Variants in UTP20 observed in about 807,000 individuals in gnomAD.
UTP20 encodes small subunit processome component 20 homolog.
A neutral mutation model predicts 329.5 loss-of-function variants in UTP20; 164 were observed. That is an observed-to-expected ratio of 0.50 (90% CI 0.44 to 0.57). The LOEUF is 0.57. Ranked by LOEUF, UTP20 falls within the 20% of genes least tolerant of loss-of-function variation. The pLI is 0.00. For missense variants in UTP20, 3,055 were observed against 3,284.2 expected (o/e 0.93, Z 1.71); for synonymous variants, 1,151 against 1,159.3 (o/e 0.99, Z 0.14).
At chr12:101,296,845 A>G (rs1428608858) in intron 12 of UTP20, among the ~76,000 whole-genome samples, 1 of 152,258 alleles carries the variant, frequency 6.6e-6, no homozygotes, top group East Asian at 1.9e-4. Flanking sequence ...TTCATTCAAA[A>G]TGACACATTG....
At chr12:101,320,615 G>T (rs551921643) in intron 23 of UTP20, among the ~76,000 whole-genome samples, 1 of 152,146 alleles carries the variant, frequency 6.6e-6, no homozygotes, top group Admixed American at 6.5e-5. Flanking sequence ...AGACCCCAGG[G>T]TATGACTGTG....
chr12:101,338,384 T>G (rs113352166), intron 30 of UTP20, 107 bp downstream of exon 30: 2 of 1,113,958 alleles, frequency 1.8e-6, no homozygotes, highest in African/African-American at 1.6e-5. Flanking sequence ...GAGCATATGC[T>G]CAGAAGTTTC....
intron 15 of UTP20, among the ~76,000 whole-genome samples, chr12:101,304,852 T>C (rs1223349649): frequency 1.3e-5 from 2 of 152,142 alleles, no homozygotes; most frequent in African/African-American, 2.4e-5. Flanking sequence ...CCGTATGAGC[T>C]AACTCCTGGC....
intron 51 of UTP20, among the ~76,000 whole-genome samples, chr12:101,372,506 T>C (rs1385603626): frequency 1.3e-5 from 2 of 152,246 alleles, no homozygotes; most frequent in Non-Finnish European, 2.9e-5. Context: ...TATCACTGTG[T>C]TGTTATTCTT....
chr12:101,329,190 A>G lies in UTP20; in HGVS notation c.3209-51A>G, dbSNP rs377199253. 4.1e-6 allele frequency: 6 copies of G among 1,469,970 alleles called. No individual in the cohort carries two copies. The African/African-American group carries it at 8.4e-5, about 21-fold the overall frequency. 91.1% of individuals were successfully genotyped at this position (1,469,970 alleles called of 1,614,324 possible). Reference sequence around the variant, plus strand: ...AATAAAACTACAATTATAAATAGTAACAAACTAATATGTTACCTTACATGA... The same window carrying G: ...AATAAAACTACAATTATAAATAGTAGCAAACTAATATGTTACCTTACATGA... On this transcript the variant is annotated intron_variant, in intron 26 of 61. Transcript: ENST00000261637.
rs768015734 is a variant in UTP20 at position 101,386,112 on chromosome 12, A to G, written c.8347A>G (p.Met2783Val). The G allele has an allele frequency of 8.1e-6, 13 of 1,605,282 alleles. No homozygotes were observed. Among genetic ancestry groups the G allele is most frequent in the African/African-American group, 1.4e-5 (1 of 74,050 alleles). Residue 2783 changes from methionine to valine, a missense_variant, in exon 62 of 62, where the codon ATG (methionine) becomes GTG (valine). By Grantham distance (21) the Met-to-Val change is conservative. Coordinates refer to ENST00000261637, the MANE Select transcript of UTP20 (RefSeq NM_014503.3). ...QKSHSLKDLA[M>V]VE is the part of the protein sequence containing the mutation. ...AAGCCATAGCCTGAAAGATTTAGCA[A>G]TGGTGGAGTAATGTCTCCCTGTGCT...
In UTP20 at chr12:101,287,443, C is replaced by T. The variant is rs1210247084; in HGVS notation, c.515+934C>T. 2.0e-5 allele frequency among the ~76,000 whole-genome samples: 3 copies of T among 152,252 alleles called. No individual in the cohort carries two copies. In the East Asian group the frequency reaches 5.8e-4, roughly 29 times the overall value. Reference sequence around the variant, plus strand: ...GCTGCCACTTTTATGTCTCCTAAGTCAGGCTCTTCAGTTCTAAATTTATTT... The same window carrying T: ...GCTGCCACTTTTATGTCTCCTAAGTTAGGCTCTTCAGTTCTAAATTTATTT... On this transcript the variant is annotated intron_variant, in intron 5 of 61. Transcript: ENST00000261637.
chr12:101,372,994 G>A lies in UTP20; in HGVS notation c.6878+31G>A, dbSNP rs756031374. 38 of 1,573,084 alleles carry A rather than the reference G, an allele frequency of 2.4e-5. No homozygotes were observed. In the Admixed American group the frequency reaches 3.3e-4, roughly 14 times the overall value. On this transcript the variant is annotated intron_variant, in intron 52 of 61. Transcript: ENST00000261637. ...CTTAAGCTATTAACTACACAGGGGCGGAGGGTAGTTTCTTCTTTCCCTTTA... is the reference window on the plus strand; with the variant it reads ...CTTAAGCTATTAACTACACAGGGGCAGAGGGTAGTTTCTTCTTTCCCTTTA...
chr12:101,309,360 C>G (rs1308693110), intron 18 of UTP20, among the ~76,000 whole-genome samples: 1 of 152,172 alleles, frequency 6.6e-6, no homozygotes, highest in Non-Finnish European at 1.5e-5. Flanking sequence ...ACTGAACTTG[C>G]AAAGCCTCAG....
chr12:101,345,737 A>T, intron 37 of UTP20, 43 bp downstream of exon 37: 1 of 1,557,138 alleles, frequency 6.4e-7, no homozygotes, highest in Non-Finnish European at 8.7e-7. Flanking sequence ...ACATAAGCAT[A>T]CATATTTCAA....
At position 101,293,262 on chromosome 12, in the gene UTP20, G is replaced by A. The variant is rs201966290; in HGVS notation, c.1251+17G>A. On this transcript the variant is annotated intron_variant, in intron 11 of 61. Transcript: ENST00000261637. ...TTTGAGCAGGTAAGCAAGTTACTAA[G>A]TTCGGAGTATTTTTAAAAACAAATC... 6.9e-5 allele frequency: 111 copies of A among 1,607,540 alleles called. No individual in the cohort carries two copies. The highest frequency in any genetic ancestry group is 8.8e-5 in the Non-Finnish European group (104 of 1,175,576).
At chr12:101,342,145 C>G (rs568320010) in intron 32 of UTP20, among the ~76,000 whole-genome samples, 4 of 151,872 alleles carry the variant, frequency 2.6e-5, no homozygotes, top group African/African-American at 7.3e-5. Context: ...TACCGAGGGA[C>G]GACTGTACTT....
At chr12:101,364,122 T>G (rs548127054) in intron 45 of UTP20, among the ~76,000 whole-genome samples, 3 of 152,310 alleles carry the variant, frequency 2.0e-5, no homozygotes, top group South Asian at 4.2e-4. Context: ...AGAATTTGTT[T>G]TAGGCCAAGC....
chr12:101,382,601 G>A (rs894762415), intron 58 of UTP20, among the ~76,000 whole-genome samples: 2 of 151,714 alleles, frequency 1.3e-5, no homozygotes, highest in Admixed American at 6.6e-5. Context: ...ACCTGTAATC[G>A]CATCACTTTG....
In UTP20 at chr12:101,320,918, C is replaced by T. The variant is rs768331170; in HGVS notation, c.2896C>T (p.Pro966Ser). ...GGATTGCATAATGACATATAAACATCCTCATGTCCTCCCTTACAGGTAAGT... is the reference window on the plus strand; with the variant it reads ...GGATTGCATAATGACATATAAACATTCTCATGTCCTCCCTTACAGGTAAGT... ...TLDCIMTYKH[P>S]HVLPYRENLQ... The change falls in exon 24 of 62, where the codon CCT (proline) becomes TCT (serine). Residue 966 changes from proline (P) to serine (S), a missense_variant. Pro to Ser is a moderately conservative substitution (Grantham distance 74). Transcript: ENST00000261637. The T allele has an allele frequency of 1.2e-6, 2 of 1,609,160 alleles. No homozygotes were observed. Among genetic ancestry groups the T allele is most frequent in the Middle Eastern group, 1.7e-4 (1 of 6,036 alleles).
At position 101,302,487 on chromosome 12, in the gene UTP20, T is replaced by TTA; in HGVS notation, c.1715_1716insTA (p.Ser573LysfsTer18). ...CTTTGTCAAGCTGTAAATACTCTAC[T>TTA]AAGTTTGGAAGAATCTTCTGAACTT... On this transcript the variant is annotated frameshift_variant, in exon 15 of 62. Coordinates refer to ENST00000261637, the MANE Select transcript of UTP20 (RefSeq NM_014503.3). LOFTEE classifies it high-confidence loss of function. The TTA allele has an allele frequency of 1.2e-6, 2 of 1,610,998 alleles. No individual in the cohort carries two copies. The highest frequency in any genetic ancestry group is 1.7e-6 in the Non-Finnish European group (2 of 1,179,304).
rs748985285 is a variant in UTP20 at position 101,346,522 on chromosome 12, T to A, written c.4818T>A (p.Ser1606=). Residue 1606 remains serine (S), a synonymous_variant, in exon 38 of 62, where the codon TCT becomes TCA. Coordinates refer to ENST00000261637, the MANE Select transcript of UTP20 (RefSeq NM_014503.3). ...TGGAAGGCAAAGTTGTTCTGTCTTC[T>A]AAATCTCTTCAGAATTACATCATGC... ...QLMEGKVVLS[S]KSLQNYIMPY... 1.2e-6 allele frequency: 2 copies of A among 1,610,904 alleles called. No individual in the cohort carries two copies. Among genetic ancestry groups the A allele is most frequent in the Admixed American group, 3.4e-5 (2 of 59,520 alleles).
intron 29 of UTP20, among the ~76,000 whole-genome samples, chr12:101,337,714 T>A (rs1868977894): frequency 6.6e-6 from 1 of 152,216 alleles, no homozygotes; most frequent in Non-Finnish European, 1.5e-5. Flanking sequence ...AGCTTAGACA[T>A]TGGAATTAGA....
At chr12:101,380,973 C>T (rs1399966179) in intron 57 of UTP20, among the ~76,000 whole-genome samples, 167 bp from the exon 58 acceptor site, 1 of 151,700 alleles carries the variant, frequency 6.6e-6, no homozygotes, top group Non-Finnish European at 1.5e-5. Flanking sequence ...TAGAAGGGAG[C>T]AGTACACCAC....
Sources: allele counts gnomAD v4.1 joint callset (sites outside exome capture counted in the v4.1 genomes callset), GRCh38; gene constraint gnomAD v4.1.1; transcripts MANE v1.5; gene names NCBI Gene and HGNC (gene_info 2026-07-23, HGNC 2026-07-21).